The following FANCD2 variants were observed in gnomAD, a reference collection of about 807,000 sequenced individuals.
FANCD2 encodes FA complementation group D2.
A neutral mutation model predicts 192.3 loss-of-function variants in FANCD2; 131 were observed. The observed-to-expected ratio is 0.68, with a 90% CI of 0.59 to 0.79. FANCD2 has a LOEUF of 0.79. Among genes scored for constraint, FANCD2 ranks in the 30% least tolerant of loss-of-function variants. The pLI, the probability that FANCD2 is intolerant of heterozygous loss-of-function variation, is 0.00. For missense variants in FANCD2, 1,508 were observed against 1,701.6 expected (o/e 0.89, Z 2.00); for synonymous variants, 524 against 612.5 (o/e 0.86, Z 2.13).
At chr3:10,056,371 T>C (rs1350811185) in intron 18 of FANCD2, among the ~76,000 whole-genome samples, 3 of 152,152 alleles carry the variant, frequency 2.0e-5, no homozygotes, top group African/African-American at 2.4e-5. Flanking sequence ...GATGACCATA[T>C]GTTTACCATT....
intron 2 of FANCD2, among the ~76,000 whole-genome samples, chr3:10,030,358 A>G (rs2086562382): frequency 6.6e-6 from 1 of 151,796 alleles, no homozygotes; most frequent in Admixed American, 6.6e-5. Context: ...CAGCCTCCCA[A>G]AGTGCTGGGA....
chr3:10,080,657 G>C (rs1693783404), intron 30 of FANCD2, among the ~76,000 whole-genome samples: 1 of 152,154 alleles, frequency 6.6e-6, no homozygotes, highest in Admixed American at 6.5e-5. Context: ...TGTGGTCTCA[G>C]ATACTCAGGA....
At chr3:10,051,575 G>A (rs1177197773) in intron 17 of FANCD2, among the ~76,000 whole-genome samples, 1 of 152,054 alleles carries the variant, frequency 6.6e-6, no homozygotes, top group East Asian at 1.9e-4. Context: ...TGAAGACTTG[G>A]GGAATAGAGT....
At chr3:10,041,839 TC>T in intron 10 of FANCD2, 129 bp downstream of exon 10, 1 of 649,730 alleles carries the variant, frequency 1.5e-6, no homozygotes. Flanking sequence ...ATTTGATATC[TC>T]TCTTTTTTTT....
At chr3:10,046,342 T>A in intron 14 of FANCD2, 1 of 511,364 alleles carries the variant, frequency 2.0e-6, no homozygotes, top group Non-Finnish European at 3.3e-6. Flanking sequence ...TGTGAGCCAC[T>A]GTGCCTGGCC....
intron 18 of FANCD2, among the ~76,000 whole-genome samples, chr3:10,053,949 G>A (rs1347114486): frequency 1.3e-5 from 2 of 152,138 alleles, no homozygotes; most frequent in Non-Finnish European, 2.9e-5. Flanking sequence ...GAAAAAGCCA[G>A]GCTGTAATCC....
At chr3:10,028,524 C>A in intron 1 of FANCD2, 101 bp from the exon 2 acceptor site, 1 of 756,756 alleles carries the variant, frequency 1.3e-6, no homozygotes, top group Non-Finnish European at 2.3e-6. Context: ...GAGATGTGAG[C>A]CCCTCTGATT....
Position 10,047,910 on chromosome 3 carries a change from A to C in FANCD2, c.1279-7A>C, listed in dbSNP as rs935161395. On this transcript the variant is annotated splice_polypyrimidine_tract_variant and splice_region_variant and intron_variant, in intron 15 of 43. Transcript: ENST00000675286. ...TTCTTTTCTCTCTCTACTCTTCCCC[A>C]CTCAAGGTTCTTAAGGATATGTGTT... is the stretch of plus-strand genomic sequence containing the variant. 2 of 1,612,352 alleles carry C rather than the reference A, an allele frequency of 1.2e-6. No homozygotes were observed. Among genetic ancestry groups the C allele is most frequent in the Middle Eastern group, 2.2e-4 (1 of 4,628 alleles).
chr3:10,031,568 G>C (rs1013722369), intron 2 of FANCD2, among the ~76,000 whole-genome samples: 8 of 151,962 alleles, frequency 5.3e-5, no homozygotes, highest in African/African-American at 1.9e-4. Context: ...CATCATTAAG[G>C]GAGAAGAGTA....
rs1694973238 is a variant in FANCD2, at chr3:10,096,469, G to T, written c.4182G>T (p.Leu1394Phe). Reference protein sequence around the residue: ...FWLGNLKNRDLQGEEIKSQNS... With the variant: ...FWLGNLKNRDFQGEEIKSQNS... ...TGGGCAATCTAAAAAACCGGGACTT[G>T]CAGGTAAGCCTTGGATCCTGCTAGT... is the stretch of plus-strand genomic sequence containing the variant. Residue 1394 changes from leucine (L) to phenylalanine (F), a missense_variant, in exon 42 of 44, where the codon TTG becomes TTT. This residue lies in a region of FANCD2 where 796 missense variants were observed against 879.4 expected (regional missense o/e 0.91). Coordinates refer to ENST00000675286, the MANE Select transcript of FANCD2 (RefSeq NM_001018115.3). The T allele has an allele frequency of 1.2e-6, 2 of 1,613,930 alleles. No homozygotes were observed. Among genetic ancestry groups the T allele is most frequent in the Non-Finnish European group, 1.7e-6 (2 of 1,179,954 alleles).
At position 10,062,161 on chromosome 3, in the gene FANCD2, C is replaced by T. The variant is rs147523071; in HGVS notation, c.1777C>T (p.Pro593Ser). 1.1e-3 allele frequency: 1,738 copies of T among 1,611,616 alleles called. 2 individuals are homozygous for T. Among genetic ancestry groups the T allele is most frequent in the Middle Eastern group, 3.3e-3 (20 of 6,018 alleles). ...ATTCTTTGTTTTTAGAAGTGAATCA[C>T]CTAGTTTGACCCAAGAGAGAGCCAA... ...GIMAADRSES[P>S]SLTQERANLS... The change falls in exon 20 of 44, where the codon CCT (proline) becomes TCT (serine). Residue 593 changes from proline to serine, a missense_variant. This residue lies in a region of FANCD2 where 110 missense variants were observed against 114.4 expected (regional missense o/e 0.96). Transcript: ENST00000675286.
chr3:10,100,570 C>G (rs149922376), intron 43 of FANCD2, among the ~76,000 whole-genome samples: 215 of 152,288 alleles, frequency 1.4e-3, no homozygotes, highest in African/African-American at 5.0e-3. Flanking sequence ...CAGGGTTTCA[C>G]CATGTTGGCC....
chr3:10,079,174 G>A (rs1407598616), intron 30 of FANCD2, among the ~76,000 whole-genome samples: 1 of 151,926 alleles, frequency 6.6e-6, no homozygotes, highest in Non-Finnish European at 1.5e-5. Context: ...AACCCAGGAG[G>A]CAGACGCTGC....
intron 18 of FANCD2, among the ~76,000 whole-genome samples, chr3:10,055,274 C>T (rs1380807870): frequency 6.6e-6 from 1 of 152,084 alleles, no homozygotes; most frequent in African/African-American, 2.4e-5. Context: ...ATTTCTAGAA[C>T]TTCCTGATCA....
At chr3:10,050,417 G>C (rs2125008092) in intron 17 of FANCD2, among the ~76,000 whole-genome samples, 1 of 152,112 alleles carries the variant, frequency 6.6e-6, no homozygotes, top group African/African-American at 2.4e-5. Flanking sequence ...GAGGTCAGGA[G>C]ATCAAGACCA....
chr3:10,041,517 G>T, intron 9 of FANCD2, 106 bp from the exon 10 acceptor site: 1 of 842,104 alleles, frequency 1.2e-6, no homozygotes, highest in Non-Finnish European at 2.0e-6. Context: ...TGGCAACTAA[G>T]TATGTCCTTT....
chr3:10,040,191 T>G (rs1358186660), intron 9 of FANCD2: 1 of 356,250 alleles, frequency 2.8e-6, no homozygotes, highest in Non-Finnish European at 5.3e-6. Flanking sequence ...CCTGCTACCA[T>G]GCCCGACTAA....
At chr3:10,077,930 A>G (rs551110726) in intron 29 of FANCD2, 151 bp from the exon 30 acceptor site, 1 of 716,448 alleles carries the variant, frequency 1.4e-6, no homozygotes, top group African/African-American at 1.8e-5. Flanking sequence ...GCTACTCGGG[A>G]GGCTGAGATG....
intron 12 of FANCD2, 52 bp from the exon 13 acceptor site, chr3:10,043,432 G>A (rs1260035505): frequency 2.1e-6 from 3 of 1,437,784 alleles, no homozygotes; most frequent in Admixed American, 1.7e-5. Flanking sequence ...GATCTTGTAA[G>A]TTCTTTTCTG....
Sources: allele counts gnomAD v4.1 joint callset (sites outside exome capture counted in the v4.1 genomes callset), GRCh38; gene constraint gnomAD v4.1.1; regional missense constraint gnomAD v4.1.1; transcripts MANE v1.5; gene names NCBI Gene and HGNC (gene_info 2026-07-23, HGNC 2026-07-21).